Variants in FAM169A observed in about 807,000 individuals in gnomAD.
FAM169A encodes the protein family with sequence similarity 169 member A, also known as soluble lamin-associated protein of 75 kDa.
FAM169A carries 24 observed loss-of-function variants against 75.7 expected under a neutral mutation model. That is an observed-to-expected ratio of 0.32 (90% CI 0.23 to 0.45). FAM169A has a LOEUF of 0.45. Among genes scored for constraint, FAM169A ranks in the 20% least tolerant of loss-of-function variants. The pLI, the probability that FAM169A is intolerant of heterozygous loss-of-function variation, is 1.00. For missense variants in FAM169A, 673 were observed against 784.0 expected (o/e 0.86, Z 1.69); for synonymous variants, 271 against 271.0 (o/e 1.00, Z 0.00).
At chr5:74,819,878 G>A (rs927676841) in intron 5 of FAM169A, among the ~76,000 whole-genome samples, 1 of 152,104 alleles carries the variant, frequency 6.6e-6, no homozygotes, top group Non-Finnish European at 1.5e-5. Context: ...GAGGAAATGG[G>A]GAGAGACTGC....
intron 10 of FAM169A, chr5:74,798,980 A>C: frequency 8.6e-7 from 1 of 1,162,508 alleles, no homozygotes; most frequent in South Asian, 1.2e-5. Flanking sequence ...TCTCCTTTGA[A>C]AACACTAAGA....
At chr5:74,786,277 G>A (rs557344660) in intron 11 of FAM169A, among the ~76,000 whole-genome samples, 1 of 152,208 alleles carries the variant, frequency 6.6e-6, no homozygotes, top group South Asian at 2.1e-4. Flanking sequence ...ATATACATCT[G>A]TCCTATTAGT....
At chr5:74,784,510 C>CTTAAAAAAAAAAAAAAAAAAA (rs1745572875) in intron 11 of FAM169A, among the ~76,000 whole-genome samples, 1 of 29,868 alleles carries the variant, frequency 3.3e-5, no homozygotes, top group African/African-American at 2.0e-4. Flanking sequence ...GACTCCGTCT[C>CTTAAAAAAAAAAAAAAAAAAA]AAAAAAAAAA....
chr5:74,778,797 T>G lies in FAM169A; in HGVS notation c.*2663A>C, dbSNP rs1254136619. On this transcript the variant is annotated 3_prime_UTR_variant, in exon 13 of 13. Transcript: ENST00000687041. ...ATAAAAAGTGAACTCCCTTCACAAA[T>G]AAGTTCACAAAGGACTATGTGTAAT... is the stretch of plus-strand genomic sequence containing the variant. 6.6e-6 allele frequency: 1 copy of G among 152,064 alleles called. No homozygotes were observed. The highest frequency in any genetic ancestry group is 6.5e-5 in the Admixed American group (1 of 15,268). 9.4% of individuals were successfully genotyped at this position (152,064 alleles called of 1,614,324 possible).
At chr5:74,861,424 C>T (rs1311936307) in intron 1 of FAM169A, among the ~76,000 whole-genome samples, 1 of 152,106 alleles carries the variant, frequency 6.6e-6, no homozygotes, top group Non-Finnish European at 1.5e-5. Context: ...CCTCAGGAAA[C>T]CCAAAACTAA....
chr5:74,807,245 T>C (rs1401272638), intron 6 of FAM169A, among the ~76,000 whole-genome samples: 3 of 152,160 alleles, frequency 2.0e-5, no homozygotes, highest in Non-Finnish European at 4.4e-5. Flanking sequence ...TTCTGAACAC[T>C]TACAGTTCAG....
At chr5:74,799,237 A>C in intron 10 of FAM169A, 1 of 1,447,088 alleles carries the variant, frequency 6.9e-7, no homozygotes, top group Non-Finnish European at 9.7e-7. Context: ...CTGGAGTCAG[A>C]AAGATGGTGT....
intron 10 of FAM169A, among the ~76,000 whole-genome samples, chr5:74,797,792 C>A (rs1746356267): frequency 6.6e-6 from 1 of 150,594 alleles, no homozygotes; most frequent in Admixed American, 6.6e-5. Flanking sequence ...AGTCAGCAAA[C>A]CTTTCCTTTA....
Position 74,816,127 on chromosome 5 carries a change from A to G in FAM169A, c.491-2108T>C, listed in dbSNP as rs1026511572. 2.6e-5 allele frequency among the ~76,000 whole-genome samples: 4 copies of G among 152,322 alleles called. No individual in the cohort carries two copies. In the South Asian group the frequency reaches 6.2e-4, roughly 24 times the overall value. On this transcript the variant is annotated intron_variant, in intron 5 of 12. Transcript: ENST00000687041. ...TCATCAACAAGCTAACGCAACCACT[A>G]TGTTTTTAATGCCTTGAAATTGAAG... is the stretch of plus-strand genomic sequence containing the variant.
intron 4 of FAM169A, among the ~76,000 whole-genome samples, chr5:74,835,601 C>CAA (rs35800429): frequency 0.028 from 1,630 of 58,316 alleles, 39 homozygotes; most frequent in Middle Eastern, 0.042. Flanking sequence ...GACTGTGTCT[C>CAA]AAAAAAAAAA....
chr5:74,814,014 T>C lies in FAM169A; in HGVS notation c.496A>G (p.Ile166Val), dbSNP rs78914275. The stretch of plus-strand genomic sequence containing the variant: ...CTTTGGGTAAGAAAAGAGGCACATA[T>C]GCTTCCTGCAGTAATAAGAACAGAA... Reference protein sequence around the residue: ...GFYSVKPTGSICASFLTQSYQ... With the variant: ...GFYSVKPTGSVCASFLTQSYQ... Residue 166 changes from isoleucine (I) to valine (V), a missense_variant, in exon 6 of 13, where the codon ATA becomes GTA. Physicochemically the swap from Ile to Val is conservative, Grantham distance 29 (BLOSUM62 3). This residue lies in a region of FAM169A where 107 missense variants were observed against 180.8 expected (regional missense o/e 0.59). Transcript: ENST00000687041. 416 of 1,562,308 alleles carry C rather than the reference T, an allele frequency of 2.7e-4. 4 individuals carry two copies. The African/African-American group carries it at 5.4e-3, about 20-fold the overall frequency.
chr5:74,811,643 T>C (rs1747199733), intron 6 of FAM169A, among the ~76,000 whole-genome samples: 1 of 152,240 alleles, frequency 6.6e-6, no homozygotes, highest in Admixed American at 6.5e-5. Flanking sequence ...AATTATACTT[T>C]ATAAGAGTTT....
intron 11 of FAM169A, among the ~76,000 whole-genome samples, chr5:74,785,389 T>G (rs1313186201): frequency 6.6e-6 from 1 of 152,238 alleles, no homozygotes; most frequent in Non-Finnish European, 1.5e-5. Flanking sequence ...ATCCTGTTTT[T>G]AAAAAATACG....
intron 11 of FAM169A, among the ~76,000 whole-genome samples, chr5:74,789,312 T>C (rs148890477): frequency 4.9e-4 from 74 of 152,354 alleles, no homozygotes; most frequent in African/African-American, 1.6e-3. Flanking sequence ...AGGGACCTTC[T>C]ACCTCAGTAA....
At chr5:74,787,942 A>G (rs1745779210) in intron 11 of FAM169A, among the ~76,000 whole-genome samples, 1 of 152,134 alleles carries the variant, frequency 6.6e-6, no homozygotes, top group African/African-American at 2.4e-5. Context: ...TTATAGACCC[A>G]GAACACCTTG....
rs1041929131 is a variant in FAM169A, at chr5:74,778,703, A to G, written c.*2757T>C. On this transcript the variant is annotated 3_prime_UTR_variant, in exon 13 of 13. Transcript: ENST00000687041. ...TGATGTCTAGCAATTGAATAATTTA[A>G]ACTTGAAAGAACTAAAATACTAATA... 6.6e-6 allele frequency: 1 copy of G among 152,096 alleles called. No individual in the cohort carries two copies. The highest frequency in any genetic ancestry group is 2.4e-5 in the African/African-American group (1 of 41,450). 9.4% of individuals were successfully genotyped at this position (152,096 alleles called of 1,614,324 possible).
intron 8 of FAM169A, 86 bp downstream of exon 8, chr5:74,804,406 AT>A: frequency 1.9e-6 from 1 of 539,424 alleles, no homozygotes; most frequent in Non-Finnish European, 3.2e-6. Context: ...GAACTATGAC[AT>A]TTAAAACTCA....
At chr5:74,810,751 CAAAAAAA>C (rs750402413) in intron 6 of FAM169A, among the ~76,000 whole-genome samples, 30 of 52,544 alleles carry the variant, frequency 5.7e-4, no homozygotes, top group Admixed American at 3.5e-4. Context: ...GACTCCGTCT[CAAAAAAA>C]AAAAAAAAAA....
At position 74,861,947 on chromosome 5, in the gene FAM169A, T is replaced by C. The variant is rs144211517; in HGVS notation, c.-4+4218A>G. Among the ~76,000 whole-genome samples the C allele has an allele frequency of 9.8e-4, 150 of 152,296 alleles. 1 individual carries two copies. Among genetic ancestry groups the C allele is most frequent in the Middle Eastern group, 3.4e-3 (1 of 294 alleles). ...TAAAGAGGCCAAGCCTAAGTAACTA[T>C]CCCTCATTTATACAACCATGGCAAC... On this transcript the variant is annotated intron_variant, in intron 1 of 12. Transcript: ENST00000687041.
Sources: gnomAD v4.1 joint callset for allele counts (sites outside exome capture counted in the v4.1 genomes callset) on GRCh38, gnomAD v4.1.1 for gene constraint, gnomAD v4.1.1 regional missense constraint, MANE v1.5 for transcripts, NCBI Gene and HGNC (gene_info 2026-07-23, HGNC 2026-07-21) for gene names.